OLFML2B: variants seen among roughly 807,000 people sequenced by gnomAD.
The protein encoded by OLFML2B is olfactomedin-like protein 2B.
OLFML2B carries 57 observed loss-of-function variants against 74.9 expected under a neutral mutation model. The observed-to-expected ratio is 0.76, with a 90% CI of 0.61 to 0.95. The LOEUF (loss-of-function observed/expected upper bound fraction) is 0.95, where lower values mean the gene tolerates loss of function less well. Ranked by LOEUF, OLFML2B falls within the 40% of genes least tolerant of loss-of-function variation. OLFML2B has a pLI of 0.00. For synonymous variants in OLFML2B, 388 were observed against 405.8 expected (o/e 0.96, Z 0.53); for missense variants, 986 against 970.6 (o/e 1.02, Z -0.21).
chr1:162,002,540 C>T (rs528909430), intron 4 of OLFML2B, among the ~76,000 whole-genome samples: 43 of 152,356 alleles, frequency 2.8e-4, no homozygotes, highest in African/African-American at 1.0e-3. Flanking sequence ...CAGGCTCTTG[C>T]TTTGATCTTT....
At chr1:162,005,476 G>A (rs1394156159) in intron 4 of OLFML2B, among the ~76,000 whole-genome samples, 1 of 152,182 alleles carries the variant, frequency 6.6e-6, no homozygotes, top group Non-Finnish European at 1.5e-5. Flanking sequence ...TGTGACGACA[G>A]CCACATGGTA....
intron 4 of OLFML2B, among the ~76,000 whole-genome samples, chr1:162,001,418 C>G (rs1690076092): frequency 6.6e-6 from 1 of 152,152 alleles, no homozygotes; most frequent in South Asian, 2.1e-4. Context: ...ATCTTTTGCT[C>G]TCTTCCTCAT....
At chr1:161,998,488 G>A in intron 5 of OLFML2B, 139 bp from the exon 6 acceptor site, 2 of 938,574 alleles carry the variant, frequency 2.1e-6, no homozygotes, top group Non-Finnish European at 1.6e-6. Context: ...GGGCCTGGCT[G>A]GGATTTTGGA....
intron 3 of OLFML2B, among the ~76,000 whole-genome samples, chr1:162,007,299 A>G (rs1181777476): frequency 2.0e-5 from 3 of 152,208 alleles, no homozygotes; most frequent in Admixed American, 6.5e-5. Flanking sequence ...GGTTCTGTAA[A>G]TACCAAATGT....
At chr1:162,001,527 AGCTGATCAT>A (rs1571297311) in intron 4 of OLFML2B, among the ~76,000 whole-genome samples, 1 of 152,174 alleles carries the variant, frequency 6.6e-6, no homozygotes, top group East Asian at 1.9e-4. Context: ...GACATCTTGG[AGCTGATCAT>A]GCCAGCCCTG....
intron 6 of OLFML2B, among the ~76,000 whole-genome samples, chr1:161,996,810 A>T (rs1571291410): frequency 6.6e-6 from 1 of 152,182 alleles, no homozygotes; most frequent in Non-Finnish European, 1.5e-5. Flanking sequence ...CTTCTGGAAC[A>T]TACCTTGTTT....
In OLFML2B at chr1:161,984,904, C is replaced by A; in HGVS notation, c.1551G>T (p.Trp517Cys). The change falls in exon 7 of 8, where the codon TGG becomes TGT. Residue 517 changes from tryptophan (W) to cysteine (C), a missense_variant. By Grantham distance (215) the Trp-to-Cys change is radical. Transcript: ENST00000294794. ...CATCCTTGGCCAGGGGGTCCTTCAT[C>A]CAGGCCCCTTCATTCCGCCCATATG... ...QNTYGRNEGA[W>C]MKDPLAKDER... 1 of 1,612,154 alleles carries A rather than the reference C, an allele frequency of 6.2e-7. No homozygotes were observed. The highest frequency in any genetic ancestry group is 8.5e-7 in the Non-Finnish European group (1 of 1,179,614).
intron 6 of OLFML2B, among the ~76,000 whole-genome samples, chr1:161,990,775 C>T (rs901345590): frequency 1.3e-5 from 2 of 152,212 alleles, no homozygotes; most frequent in African/African-American, 4.8e-5. Flanking sequence ...TGTTTGATAG[C>T]ATTTTACCCC....
intron 4 of OLFML2B, 101 bp downstream of exon 4, chr1:162,006,196 T>C: frequency 1.7e-6 from 2 of 1,146,156 alleles, no homozygotes; most frequent in East Asian, 5.2e-5. Flanking sequence ...AGCTCATCTC[T>C]GTGAAAGGAC....
chr1:162,019,772 G>A, intron 2 of OLFML2B, 147 bp downstream of exon 2: 1 of 1,017,342 alleles, frequency 9.8e-7, no homozygotes, highest in Admixed American at 2.8e-5. Context: ...AGTTTGCTAG[G>A]ACATCAACCT....
At position 162,003,710 on chromosome 1, in the gene OLFML2B, G is replaced by C. The variant is rs144532555; in HGVS notation, c.723+2587C>G. Among the ~76,000 whole-genome samples, 1,032 of 152,198 alleles carry C rather than the reference G, an allele frequency of 6.8e-3. 4 individuals are homozygous for C. The highest frequency in any genetic ancestry group is 0.023 in the African/African-American group (973 of 41,508). The stretch of plus-strand genomic sequence containing the variant: ...CCCAGAGCCCCATGCCAACCCCTCA[G>C]GCAAGGACCATCTTAGAGAGAAGCC... On this transcript the variant is annotated intron_variant, in intron 4 of 7. Transcript: ENST00000294794.
chr1:162,023,598 G>C lies in OLFML2B; in HGVS notation c.-168C>G, dbSNP rs1233985106. 2.7e-5 allele frequency: 15 copies of C among 547,494 alleles called. No individual in the cohort carries two copies. Among genetic ancestry groups the C allele is most frequent in the Admixed American group, 3.9e-5 (1 of 25,450 alleles). The allele number at this position is 547,494 out of a possible 1,614,324, so 33.9% of individuals were successfully genotyped here. ...GCGGGACGGGAGGGTGCGCCCCAGA[G>C]ACTCTGGGCATCTCCTTCCCGACGC... is the stretch of plus-strand genomic sequence containing the variant. On this transcript the variant is annotated 5_prime_UTR_variant, in exon 1 of 8. Coordinates refer to ENST00000294794, the MANE Select transcript of OLFML2B (RefSeq NM_015441.3).
chr1:162,013,457 G>A (rs1482467147), intron 3 of OLFML2B, among the ~76,000 whole-genome samples: 1 of 152,186 alleles, frequency 6.6e-6, no homozygotes, highest in Non-Finnish European at 1.5e-5. Flanking sequence ...CCTCCAAATT[G>A]ACAAAAACTA....
chr1:162,015,343 G>A (rs1690501103), intron 3 of OLFML2B, among the ~76,000 whole-genome samples: 1 of 152,188 alleles, frequency 6.6e-6, no homozygotes, highest in Admixed American at 6.5e-5. Flanking sequence ...AGACAAGGCT[G>A]TAACAAGACT....
chr1:162,019,829 G>C, intron 2 of OLFML2B, 90 bp downstream of exon 2: 1 of 1,487,568 alleles, frequency 6.7e-7, no homozygotes, highest in Admixed American at 2.0e-5. Flanking sequence ...CTTCTTCAAA[G>C]GGCTTAGAAT....
In OLFML2B at chr1:161,998,124, C is replaced by T. The variant is rs775798127; in HGVS notation, c.1175G>A (p.Gly392Glu). The T allele has an allele frequency of 1.9e-6, 3 of 1,613,800 alleles. No homozygotes were observed. The Admixed American group carries it at 5.0e-5, about 27-fold the overall frequency. ...DPSIANHASVGPTLQTTSVSP... is the reference protein window; with the variant it reads ...DPSIANHASVEPTLQTTSVSP... ...CACCGAGGTTGTTTGGAGTGTTGGT[C>T]CCACTGAGGCATGGTTGGCGATGCT... The change falls in exon 6 of 8, where the codon GGA becomes GAA. Residue 392 changes from glycine to glutamate, a missense_variant. By Grantham distance (98) the Gly-to-Glu change is moderately conservative. Coordinates refer to ENST00000294794, the MANE Select transcript of OLFML2B (RefSeq NM_015441.3).
intron 1 of OLFML2B, 71 bp downstream of exon 1, chr1:162,023,186 A>G: frequency 1.4e-6 from 2 of 1,401,546 alleles, no homozygotes; most frequent in Non-Finnish European, 1.9e-6. Context: ...CAAACACTTC[A>G]GCAAGGACCA....
rs575903205 is a variant in OLFML2B at position 162,023,645 on chromosome 1, C to T, written c.-215G>A. On this transcript the variant is annotated 5_prime_UTR_variant, in exon 1 of 8. Coordinates refer to ENST00000294794, the MANE Select transcript of OLFML2B (RefSeq NM_015441.3). ...ACGCGAGCAGCCCTCGACTGTGCAG[C>T]CCCAGTGGAGAGCCGGACGCAAGGA... is the stretch of plus-strand genomic sequence containing the variant. 87 of 381,856 alleles carry T rather than the reference C, an allele frequency of 2.3e-4. 1 individual carries two copies. In the East Asian group the frequency reaches 3.4e-3, roughly 15 times the overall value. The allele number at this position is 381,856 out of a possible 1,614,324, so 23.7% of individuals were successfully genotyped here.
chr1:161,998,086 T>A lies in OLFML2B; in HGVS notation c.1213A>T (p.Thr405Ser). 1 of 1,614,034 alleles carries A rather than the reference T, an allele frequency of 6.2e-7. No individual in the cohort carries two copies. The highest frequency in any genetic ancestry group is 8.5e-7 in the Non-Finnish European group (1 of 1,180,032). The change falls in exon 6 of 8, where the codon ACA becomes TCA. Residue 405 changes from threonine (T) to serine (S), a missense_variant. Physicochemically the swap from Thr to Ser is moderately conservative, Grantham distance 58 (BLOSUM62 1). Coordinates refer to ENST00000294794, the MANE Select transcript of OLFML2B (RefSeq NM_015441.3). ...LQTTSVSPDP[T>S]RESVLQPSPQ... ...GAAGGCTGCAGGACTGACTCCCTTG[T>A]GGGATCTGGAGACACCGAGGTTGTT...
Sources: gnomAD v4.1 joint callset for allele counts (sites outside exome capture counted in the v4.1 genomes callset) on GRCh38, gnomAD v4.1.1 for gene constraint, MANE v1.5 for transcripts, NCBI Gene and HGNC (gene_info 2026-07-23, HGNC 2026-07-21) for gene names.